RMP64: variants seen among roughly 807,000 people sequenced by gnomAD.
RMP64 encodes ribonuclease MRP subunit p64.
chr3:113,011,552 C>G, the RMP64 span: 2 of 589,616 alleles, frequency 3.4e-6, no homozygotes. Flanking sequence ...CACTTGCGAA[C>G]AGCCAGATTA....
chr3:113,010,974 T>C, the RMP64 span: 10 of 1,371,556 alleles, frequency 7.3e-6, no homozygotes, highest in Non-Finnish European at 9.9e-6. Flanking sequence ...TGCATGACTA[T>C]TACTTTCAAA....
chr3:113,005,326 A>G, the RMP64 span: 100 of 562,372 alleles, frequency 1.8e-4, no homozygotes, highest in Middle Eastern at 9.6e-4. Context: ...AACACCTGAC[A>G]TGTAGTTGAA....
the RMP64 span, among the ~76,000 whole-genome samples, chr3:113,007,095 C>T: frequency 6.6e-6 from 1 of 152,122 alleles, no homozygotes; most frequent in African/African-American, 2.4e-5. Context: ...CTCATCTACC[C>T]TTGATTTTAA....
At chr3:113,019,638 C>T in the RMP64 span, 1 of 1,613,176 alleles carries the variant, frequency 6.2e-7, no homozygotes, top group Non-Finnish European at 8.5e-7. Flanking sequence ...GGCGGCACCG[C>T]AGCCATCATG....
At chr3:113,013,284 C>G in the RMP64 span, 2 of 1,613,112 alleles carry the variant, frequency 1.2e-6, no homozygotes, top group Non-Finnish European at 1.7e-6. Context: ...AAAAGTTTTG[C>G]AGCAGCAGTC....
the RMP64 span, among the ~76,000 whole-genome samples, chr3:113,016,840 G>T: frequency 1.3e-5 from 2 of 152,176 alleles, no homozygotes; most frequent in African/African-American, 4.8e-5. Context: ...GAAAATACTT[G>T]CAGAATTAAG....
At chr3:113,017,673 A>T in the RMP64 span, 27 of 1,329,802 alleles carry the variant, frequency 2.0e-5, no homozygotes, top group South Asian at 8.3e-5. Context: ...AAAACACACT[A>T]AAAAAAGCAT....
chr3:113,013,448 AG>A, the RMP64 span: 4 of 1,446,950 alleles, frequency 2.8e-6, no homozygotes, highest in Non-Finnish European at 3.7e-6. Flanking sequence ...TTAAAAAAAA[AG>A]GGTTTTTTTT....
the RMP64 span, chr3:113,002,913 G>A: frequency 2.9e-3 from 444 of 152,708 alleles, 7 homozygotes; most frequent in African/African-American, 0.01. Flanking sequence ...GACATCCCCA[G>A]AGCAAGAGGC....
At chr3:113,011,000 T>C in the RMP64 span, 1 of 1,508,066 alleles carries the variant, frequency 6.6e-7, no homozygotes, top group African/African-American at 1.4e-5. Flanking sequence ...TCTTTTTATT[T>C]GTTTTTTGTT....
chr3:113,005,675 A>G, the RMP64 span: 6 of 1,613,810 alleles, frequency 3.7e-6, no homozygotes, highest in African/African-American at 5.3e-5. Flanking sequence ...TTCATGAATC[A>G]TTTTCTCCTT....
At chr3:113,014,297 C>A in the RMP64 span, 2 of 289,656 alleles carry the variant, frequency 6.9e-6, no homozygotes, top group Non-Finnish European at 1.3e-5. Context: ...AGCTTGATGT[C>A]ATAAAAGGGA....
the RMP64 span, chr3:113,003,405 T>G: frequency 1.3e-5 from 2 of 152,224 alleles, no homozygotes; most frequent in African/African-American, 4.8e-5. Context: ...TCTCATTTAC[T>G]AGGTAAGTTA....
the RMP64 span, chr3:113,012,981 A>T: frequency 4.9e-6 from 3 of 616,916 alleles, no homozygotes; most frequent in Non-Finnish European, 5.7e-6. Flanking sequence ...GGTTATAAAC[A>T]CTCTGCTAGA....
chr3:113,006,140 C>T, the RMP64 span: 1 of 657,328 alleles, frequency 1.5e-6, no homozygotes, highest in Non-Finnish European at 2.6e-6. Context: ...CCCAGAACCA[C>T]ATCGAAAAAT....
chr3:113,005,351 A>C, the RMP64 span: 1 of 585,080 alleles, frequency 1.7e-6, no homozygotes, highest in South Asian at 2.1e-5. Flanking sequence ...AAAAAGAAAT[A>C]CTTGTTGATG....
the RMP64 span, chr3:113,019,507 A>G: frequency 3.9e-6 from 6 of 1,550,016 alleles, no homozygotes; most frequent in Admixed American, 8.4e-5. Flanking sequence ...CTCCCCCGGA[A>G]ACGTTCCCCC....
chr3:113,007,864 G>A, the RMP64 span, among the ~76,000 whole-genome samples: 3 of 152,140 alleles, frequency 2.0e-5, no homozygotes, highest in Admixed American at 2.0e-4. Context: ...ACCAAGTCAC[G>A]TCTTTATGCA....
the RMP64 span, among the ~76,000 whole-genome samples, chr3:113,006,760 T>C: frequency 6.6e-6 from 1 of 152,178 alleles, no homozygotes; most frequent in Non-Finnish European, 1.5e-5. Flanking sequence ...CTTATCTCAC[T>C]ATAAGCAGTG....
Sources: allele counts gnomAD v4.1 joint callset (sites outside exome capture counted in the v4.1 genomes callset), GRCh38; gene constraint gnomAD v4.1.1; transcripts MANE v1.5; gene names NCBI Gene and HGNC (gene_info 2026-07-23, HGNC 2026-07-21).